The following SUCLG1 variants were observed in gnomAD, a reference collection of about 807,000 sequenced individuals.
SUCLG1 encodes succinate-CoA ligase GDP/ADP-forming subunit alpha, also known as succinate--CoA ligase [ADP/GDP-forming] subunit alpha, mitochondrial.
Under a neutral mutation model 37.3 loss-of-function variants are expected in SUCLG1, and 26 were observed. That is an observed-to-expected ratio of 0.70 (90% CI 0.51 to 0.97). SUCLG1 has a LOEUF of 0.97. SUCLG1 is among the 50% of genes least tolerant of loss of function. The probability of loss-of-function intolerance (pLI) is 0.00; values close to 1 mark genes in which losing one functional copy is unlikely to be tolerated. For missense variants in SUCLG1, 433 were observed against 432.9 expected, an observed-to-expected ratio of 1.00 and a Z score of 0.00; for synonymous variants, 163 against 155.6, an observed-to-expected ratio of 1.05 and a Z score of -0.36.
At chr2:84,433,625 T>G (rs937996420) in intron 5 of SUCLG1, 190 bp from the exon 6 acceptor site, 5 of 612,296 alleles carry the variant, frequency 8.2e-6, no homozygotes, top group African/African-American at 5.6e-5. Flanking sequence ...GCAGGGGGGT[T>G]TTTTAATTTA....
chr2:84,426,809 C>T (rs915112201), intron 7 of SUCLG1: 1 of 152,106 alleles, frequency 6.6e-6, no homozygotes, highest in African/African-American at 2.4e-5. Context: ...AACTTGAGCA[C>T]AAGTGGAACC....
intron 7 of SUCLG1, among the ~76,000 whole-genome samples, chr2:84,428,771 G>A (rs183351218): frequency 1.3e-5 from 2 of 152,280 alleles, no homozygotes; most frequent in East Asian, 3.9e-4. Flanking sequence ...AAACAGAAAG[G>A]CCAGTTAGAA....
intron 5 of SUCLG1, 106 bp downstream of exon 5, chr2:84,440,941 G>T: frequency 8.8e-7 from 1 of 1,141,056 alleles, no homozygotes; most frequent in Non-Finnish European, 1.3e-6. Flanking sequence ...TTCTACTCAA[G>T]TCAAATTAAT....
intron 3 of SUCLG1, among the ~76,000 whole-genome samples, chr2:84,442,763 T>C (rs1412991638): frequency 6.6e-6 from 1 of 152,208 alleles, no homozygotes; most frequent in East Asian, 1.9e-4. Flanking sequence ...TACAATTTAG[T>C]TTCTTCACAC....
chr2:84,430,462 G>A (rs913262652), intron 7 of SUCLG1, among the ~76,000 whole-genome samples: 7 of 152,056 alleles, frequency 4.6e-5, no homozygotes, highest in Admixed American at 2.6e-4. Context: ...AGAGAATGAG[G>A]GTAAACCTGA....
rs374486728 is a variant in SUCLG1, at chr2:84,443,424, C to T, written c.202-24G>A. 4.8e-5 allele frequency: 77 copies of T among 1,605,124 alleles called. No individual in the cohort carries two copies. The Middle Eastern group carries it at 1.3e-3, about 28-fold the overall frequency. On this transcript the variant is annotated intron_variant, in intron 2 of 8. Coordinates refer to ENST00000393868, the MANE Select transcript of SUCLG1 (RefSeq NM_003849.4). ...CCCTGAGGGGAAAAAGCACAAGATC[C>T]ATGAGAAACAGCAGACTGGTAAGCC... is the stretch of plus-strand genomic sequence containing the variant.
At position 84,431,513 on chromosome 2, in the gene SUCLG1, T is replaced by C. The variant is rs748368534; in HGVS notation, c.820A>G (p.Asn274Asp). 1.1e-5 allele frequency: 17 copies of C among 1,614,018 alleles called. No individual in the cohort carries two copies. In the Admixed American group the frequency reaches 2.5e-4, roughly 24 times the overall value. ...ENAAEFLKQH[N>D]SGPNSKPVVS... ...TTTTCCAAACCCAAACTTACTGAAT[T>C]ATGTTGCTTCAAAAATTCTGCAGCA... The change falls in exon 7 of 9, where the codon AAT becomes GAT. Residue 274 changes from asparagine to aspartate, a missense_variant. Coordinates refer to ENST00000393868, the MANE Select transcript of SUCLG1 (RefSeq NM_003849.4).
At chr2:84,448,356 T>C (rs1573374005) in intron 2 of SUCLG1, among the ~76,000 whole-genome samples, 1 of 152,118 alleles carries the variant, frequency 6.6e-6, no homozygotes, top group South Asian at 2.1e-4. Flanking sequence ...TAAAATACTT[T>C]TGAGTAGTTG....
intron 2 of SUCLG1, 138 bp from the exon 3 acceptor site, chr2:84,443,538 A>G: frequency 1.3e-6 from 1 of 796,534 alleles, no homozygotes; most frequent in Non-Finnish European, 2.1e-6. Flanking sequence ...TTTACTAAAC[A>G]TAGCTTTGAA....
At position 84,433,848 on chromosome 2, in the gene SUCLG1, A is replaced by G. The variant is rs576001299; in HGVS notation, c.590-413T>C. On this transcript the variant is annotated intron_variant, in intron 5 of 8. Transcript: ENST00000393868. ...TGGGTATTTGTCCCCTCCAAATCTC[A>G]GGTTGAAATGTGATGCCCAGTGTTG... 9.9e-4 allele frequency: 213 copies of G among 214,074 alleles called. 2 individuals carry two copies. The highest frequency in any genetic ancestry group is 4.8e-3 in the African/African-American group (206 of 42,478). The allele number at this position is 214,074 out of a possible 1,614,324, so 13.3% of individuals were successfully genotyped here.
chr2:84,443,516 C>A, intron 2 of SUCLG1, 116 bp from the exon 3 acceptor site: 1 of 868,666 alleles, frequency 1.2e-6, no homozygotes, highest in Non-Finnish European at 1.9e-6. Context: ...TATTCCCAGA[C>A]AATAACATAT....
chr2:84,433,357 C>T lies in SUCLG1; in HGVS notation c.668G>A (p.Cys223Tyr), dbSNP rs1340072591. The T allele has an allele frequency of 6.2e-7, 1 of 1,613,894 alleles. No homozygotes were observed. The highest frequency in any genetic ancestry group is 8.5e-7 in the Non-Finnish European group (1 of 1,179,862). ...TTQVGLGQSL[C>Y]VGIGGDPFNG... is the part of the protein sequence containing the mutation. The stretch of plus-strand genomic sequence containing the variant: ...TTTTAGCAAAAGTCCCTCACCAACG[C>T]ACAAAGACTGCCCCAATCCAACTTG... Residue 223 changes from cysteine to tyrosine, a missense_variant, in exon 6 of 9, where the codon TGC (cysteine) becomes TAC (tyrosine). Cys to Tyr is a radical substitution (Grantham distance 194). Coordinates refer to ENST00000393868, the MANE Select transcript of SUCLG1 (RefSeq NM_003849.4).
At chr2:84,445,117 G>C (rs756197908) in intron 2 of SUCLG1, among the ~76,000 whole-genome samples, 4 of 152,182 alleles carry the variant, frequency 2.6e-5, no homozygotes, top group African/African-American at 4.8e-5. Flanking sequence ...GAAATCACAA[G>C]GATATTGATT....
At chr2:84,455,529 C>T (rs1673006381) in intron 1 of SUCLG1, among the ~76,000 whole-genome samples, 1 of 151,804 alleles carries the variant, frequency 6.6e-6, no homozygotes, top group Admixed American at 6.6e-5. Flanking sequence ...AAGACACAAC[C>T]TAATGTAAGA....
intron 7 of SUCLG1, among the ~76,000 whole-genome samples, chr2:84,431,169 C>T (rs949411465): frequency 3.3e-5 from 5 of 152,068 alleles, no homozygotes; most frequent in Admixed American, 6.5e-5. Context: ...CCTCTGAGAT[C>T]GGGAGAAAGA....
chr2:84,459,026 C>G (rs1225436476), intron 1 of SUCLG1, 147 bp downstream of exon 1: 5 of 788,714 alleles, frequency 6.3e-6, no homozygotes, highest in Non-Finnish European at 9.7e-6. Flanking sequence ...CGTAGGGGTC[C>G]CCGACTCGAA....
chr2:84,437,152 GAGA>G (rs1288720128), intron 5 of SUCLG1, among the ~76,000 whole-genome samples: 1 of 152,136 alleles, frequency 6.6e-6, no homozygotes, highest in Non-Finnish European at 1.5e-5. Context: ...TTTCATCATT[GAGA>G]AGATTAGGTG....
intron 2 of SUCLG1, among the ~76,000 whole-genome samples, chr2:84,446,276 C>T (rs988122903): frequency 2.6e-5 from 4 of 152,192 alleles, no homozygotes; most frequent in Non-Finnish European, 4.4e-5. Flanking sequence ...GATATATTCC[C>T]CACCAACCAC....
chr2:84,445,108 A>C (rs1672830160), intron 2 of SUCLG1, among the ~76,000 whole-genome samples: 2 of 152,234 alleles, frequency 1.3e-5, no homozygotes, highest in Admixed American at 6.5e-5. Context: ...CAGGCATAGG[A>C]AATCACAAGG....
Sources: gnomAD v4.1 joint callset for allele counts (sites outside exome capture counted in the v4.1 genomes callset) on GRCh38, gnomAD v4.1.1 for gene constraint, MANE v1.5 for transcripts, NCBI Gene and HGNC (gene_info 2026-07-23, HGNC 2026-07-21) for gene names.